Variants in MFSD6 observed in about 807,000 individuals in gnomAD.
The protein encoded by MFSD6 is major facilitator superfamily domain containing 6, also known as major facilitator superfamily domain-containing protein 6.
A neutral mutation model predicts 56.3 loss-of-function variants in MFSD6; 26 were observed. That is an observed-to-expected ratio of 0.46 (90% confidence interval 0.34 to 0.64). The LOEUF (loss-of-function observed/expected upper bound fraction) is 0.64. Ranked by LOEUF, MFSD6 falls within the 30% of genes least tolerant of loss-of-function variation. The pLI, the probability that MFSD6 is intolerant of heterozygous loss-of-function variation, is 0.01. For missense variants in MFSD6, 750 were observed against 986.2 expected, an observed-to-expected ratio of 0.76 and a Z score of 3.21; for synonymous variants, 331 against 366.9, an observed-to-expected ratio of 0.90 and a Z score of 1.12.
rs1156931540 is a variant in MFSD6, at chr2:190,465,707, T to C, written c.1533-4051T>C. Among the ~76,000 whole-genome samples the C allele has an allele frequency of 6.6e-6, 1 of 152,090 alleles. No homozygotes were observed. The highest frequency in any genetic ancestry group is 2.4e-5 in the African/African-American group (1 of 41,430). On this transcript the variant is annotated intron_variant, in intron 3 of 7. Transcript: ENST00000392328. This position sits in a 1 kb window ranked among gnomAD's most constrained non-coding sequence, Gnocchi z 4.6. ...TCTGGGTGGCTTAAAAAACAGAAGT[T>C]TATGGCCGGGCGTGGTGGCTCACGC...
chr2:190,414,082 C>T (rs912680555), intron 1 of MFSD6, among the ~76,000 whole-genome samples: 8 of 151,902 alleles, frequency 5.3e-5, no homozygotes, highest in African/African-American at 1.9e-4. Context: ...CTGCCTATGA[C>T]TTTTAAGAAG....
Position 190,472,622 on chromosome 2 carries a change from G to A in MFSD6, c.1630+2767G>A, listed in dbSNP as rs187438056. Among the ~76,000 whole-genome samples, 737 of 152,346 alleles carry A rather than the reference G, an allele frequency of 4.8e-3. 4 individuals are homozygous for A. The highest frequency in any genetic ancestry group is 7.7e-3 in the Non-Finnish European group (521 of 68,028). On this transcript the variant is annotated intron_variant, in intron 4 of 7. Coordinates refer to ENST00000392328, the MANE Select transcript of MFSD6 (RefSeq NM_017694.4). ...AAATCTACATCTGATTGGTGTACCT[G>A]AAAGTGACAGGGAGAATGGAACCAA...
At chr2:190,450,414 T>C (rs560677657) in intron 3 of MFSD6, among the ~76,000 whole-genome samples, 4 of 152,192 alleles carry the variant, frequency 2.6e-5, no homozygotes, top group East Asian at 1.9e-4. Context: ...TACCTTTTTT[T>C]CTGCTGAAAA....
rs1686451383 is a variant in MFSD6 at position 190,443,302 on chromosome 2, G to T, written c.1532+5741G>T. ...ACTATATGGCCTTGGACAAGTTACA[G>T]AACTTTTTGCATCTCTGTATTGTTA... On this transcript the variant is annotated intron_variant, in intron 3 of 7. Transcript: ENST00000392328. This position sits in a 1 kb window ranked among gnomAD's most constrained non-coding sequence, Gnocchi z 4.2. Among the ~76,000 whole-genome samples, 4 of 152,198 alleles carry T rather than the reference G, an allele frequency of 2.6e-5. No individual in the cohort carries two copies. The highest frequency in any genetic ancestry group is 9.7e-5 in the African/African-American group (4 of 41,448).
intron 4 of MFSD6, among the ~76,000 whole-genome samples, chr2:190,475,361 G>C (rs1487191817): frequency 6.6e-6 from 1 of 152,198 alleles, no homozygotes. Context: ...GGCAACTTCA[G>C]CAAAGTCTCA....
rs1574266832 is a variant in MFSD6, at chr2:190,496,593, A to G, written c.1892-846A>G. On this transcript the variant is annotated intron_variant, in intron 6 of 7. Transcript: ENST00000392328. The surrounding 1 kb of genome is among the most constrained non-coding windows in gnomAD (Gnocchi z 4.7). ...CAGCCCAAATGCCCATCAATCAATG[A>G]GTGGATAAAGAAACTGTAGTGTGTG... Among the ~76,000 whole-genome samples the G allele has an allele frequency of 6.6e-6, 1 of 152,162 alleles. No individual in the cohort carries two copies.
At position 190,417,969 on chromosome 2, in the gene MFSD6, T is replaced by TGTGTGTGG. The variant is rs1690852471; in HGVS notation, c.-54+2563_-54+2564insGGTGTGTG. On this transcript the variant is annotated intron_variant, in intron 2 of 7. Coordinates refer to ENST00000392328, the MANE Select transcript of MFSD6 (RefSeq NM_017694.4). This position sits in a 1 kb window ranked among gnomAD's most constrained non-coding sequence, Gnocchi z 5.7. ...CTTTTCATTTAACCCTTTAGTGGTG[T>TGTGTGTGG]GTGTGTGTGTGTGTGTGTGTGTGTG... Among the ~76,000 whole-genome samples the TGTGTGTGG allele has an allele frequency of 1.0e-5, 1 of 99,672 alleles. No homozygotes were observed. The highest frequency in any genetic ancestry group is 2.2e-5 in the Non-Finnish European group (1 of 44,748). 65.4% of individuals were successfully genotyped at this position (99,672 alleles called of 152,430 possible).
rs1685719474 is a variant in MFSD6 at position 190,424,234 on chromosome 2, T to G, written c.-54+8821T>G. 5.2e-5 allele frequency among the ~76,000 whole-genome samples: 6 copies of G among 115,912 alleles called. No individual in the cohort carries two copies. Among genetic ancestry groups the G allele is most frequent in the Admixed American group, 4.7e-4 (6 of 12,830 alleles). 76.0% of individuals were successfully genotyped at this position (115,912 alleles called of 152,430 possible). On this transcript the variant is annotated intron_variant, in intron 2 of 7. Transcript: ENST00000392328. The surrounding 1 kb of genome is among the most constrained non-coding windows in gnomAD (Gnocchi z 5.9). ...CACTAGAGGCTAAAGATTTTCTTCT[T>G]CTTTTTTTTTTTTTCTAAATGTTTT...
chr2:190,436,429 GTCC>G lies in MFSD6; in HGVS notation c.406_408del (p.Leu136del), dbSNP rs768783047. 8 of 1,614,114 alleles carry G rather than the reference GTCC, an allele frequency of 5.0e-6. No individual in the cohort carries two copies. Among genetic ancestry groups the G allele is most frequent in the South Asian group, 2.2e-5 (2 of 91,082 alleles). On this transcript the variant is annotated inframe_deletion, in exon 3 of 8. Coordinates refer to ENST00000392328, the MANE Select transcript of MFSD6 (RefSeq NM_017694.4). This position sits in a 1 kb window ranked among gnomAD's most constrained non-coding sequence, Gnocchi z 5.3. ...AGACCGCTTTAAAAAAGGCAAAATTGTCCTCCTCTTTTCTCTTTTGTGTTGGGT... is the reference window on the plus strand; with the variant it reads ...AGACCGCTTTAAAAAAGGCAAAATTGTCCTCTTTTCTCTTTTGTGTTGGGT...
Position 190,437,259 on chromosome 2 carries a change from G to C in MFSD6, c.1230G>C (p.Gln410His), listed in dbSNP as rs1686210029. The change falls in exon 3 of 8, where the codon CAG becomes CAC. Residue 410 changes from glutamine to histidine, a missense_variant. Gln to His is a conservative substitution (Grantham distance 24). Around this residue, in one of 5 missense-constraint regions of MFSD6, gnomAD observed 376 missense variants for 437.9 expected, o/e 0.86. Transcript: ENST00000392328. This position sits in a 1 kb window ranked among gnomAD's most constrained non-coding sequence, Gnocchi z 5.9. ...DSKGKEVEIP[Q>H]VERNNSTESS... is the part of the protein sequence containing the mutation. ...AAGGGAAAGAGGTGGAGATCCCGCAGGTGGAAAGGAACAACTCTACAGAGT... is the reference window on the plus strand; with the variant it reads ...AAGGGAAAGAGGTGGAGATCCCGCACGTGGAAAGGAACAACTCTACAGAGT... 6.2e-7 allele frequency: 1 copy of C among 1,614,202 alleles called. No individual in the cohort carries two copies. The highest frequency in any genetic ancestry group is 2.2e-5 in the East Asian group (1 of 44,884).
chr2:190,482,157 G>C lies in MFSD6; in HGVS notation c.1631-6500G>C, dbSNP rs116383092. On this transcript the variant is annotated intron_variant, in intron 4 of 7. Coordinates refer to ENST00000392328, the MANE Select transcript of MFSD6 (RefSeq NM_017694.4). ...GGATATTGATACCTAGGGTAACCAG[G>C]CATTGCAGATGGCAGATTCTCTGTA... Among the ~76,000 whole-genome samples, 612 of 152,310 alleles carry C rather than the reference G, an allele frequency of 4.0e-3. 4 individuals carry two copies. Among genetic ancestry groups the C allele is most frequent in the African/African-American group, 0.014 (581 of 41,546 alleles).
At chr2:190,466,698 C>G (rs1687623954) in intron 3 of MFSD6, among the ~76,000 whole-genome samples, 1 of 152,180 alleles carries the variant, frequency 6.6e-6, no homozygotes, top group Admixed American at 6.5e-5. Context: ...AACTGAGGCT[C>G]AGAGAGATGA....
At chr2:190,449,716 G>A (rs1040645821) in intron 3 of MFSD6, among the ~76,000 whole-genome samples, 118 of 152,220 alleles carry the variant, frequency 7.8e-4, no homozygotes, top group Admixed American at 2.9e-3. Flanking sequence ...CCTTTGTAGG[G>A]ACATGGATGA....
rs912706569 is a variant in MFSD6 at position 190,499,788 on chromosome 2, C to T, written c.2173-227C>T. On this transcript the variant is annotated intron_variant, in intron 7 of 7. Coordinates refer to ENST00000392328, the MANE Select transcript of MFSD6 (RefSeq NM_017694.4). The surrounding 1 kb of genome is among the most constrained non-coding windows in gnomAD (Gnocchi z 6.0). ...TAGTAATGTTCCTTTTTCCACAAGA[C>T]ACGTCTGCTTATAGTGTTTGTGTTT... 6.7e-6 allele frequency: 10 copies of T among 1,499,638 alleles called. No homozygotes were observed. The highest frequency in any genetic ancestry group is 2.0e-5 in the Admixed American group (1 of 49,174). The allele number at this position is 1,499,638 out of a possible 1,614,324, so 92.9% of individuals were successfully genotyped here.
chr2:190,445,678 A>C (rs1686552968), intron 3 of MFSD6, among the ~76,000 whole-genome samples: 2 of 152,208 alleles, frequency 1.3e-5, no homozygotes, highest in Non-Finnish European at 2.9e-5. Flanking sequence ...TTAGAACATA[A>C]GGTCTTTTTC....
Position 190,436,422 on chromosome 2 carries a change from C to T in MFSD6, c.393C>T (p.Gly131=), listed in dbSNP as rs1474504008. Residue 131 remains glycine, a synonymous_variant, in exon 3 of 8, where the codon GGC becomes GGT. Transcript: ENST00000392328. The surrounding 1 kb of genome is among the most constrained non-coding windows in gnomAD (Gnocchi z 5.3). ...WGVVADRFKK[G]KIVLLFSLLC... ...TAGTTGCAGACCGCTTTAAAAAAGG[C>T]AAAATTGTCCTCCTCTTTTCTCTTT... 2 of 1,614,030 alleles carry T rather than the reference C, an allele frequency of 1.2e-6. No individual in the cohort carries two copies. Among genetic ancestry groups the T allele is most frequent in the East Asian group, 2.2e-5 (1 of 44,882 alleles).
In MFSD6 at chr2:190,437,160, T is replaced by C. The variant is rs757396994; in HGVS notation, c.1131T>C (p.Val377=). The part of the protein sequence containing the change: ...NYQIVFIVFG[V]LMTMALIVAT... ...AGATCGTCTTCATCGTCTTCGGCGT[T>C]CTCATGACCATGGCCTTGATCGTTG... is the stretch of plus-strand genomic sequence containing the variant. Residue 377 remains valine, a synonymous_variant, in exon 3 of 8, where the codon GTT becomes GTC. Coordinates refer to ENST00000392328, the MANE Select transcript of MFSD6 (RefSeq NM_017694.4). The surrounding 1 kb of genome is among the most constrained non-coding windows in gnomAD (Gnocchi z 5.9). The C allele has an allele frequency of 6.2e-7, 1 of 1,614,246 alleles. No individual in the cohort carries two copies. Among genetic ancestry groups the C allele is most frequent in the South Asian group, 1.1e-5 (1 of 91,090 alleles).
rs1454433676 is a variant in MFSD6 at position 190,426,014 on chromosome 2, T to A, written c.-53-9963T>A. Among the ~76,000 whole-genome samples, 1 of 152,220 alleles carries A rather than the reference T, an allele frequency of 6.6e-6. No individual in the cohort carries two copies. Among genetic ancestry groups the A allele is most frequent in the East Asian group, 1.9e-4 (1 of 5,198 alleles). The stretch of plus-strand genomic sequence containing the variant: ...TGCCTTTAGTTTTTAGAAGTTTGAC[T>A]GATGAGTTTTGGTGTGGGCATTTTG... On this transcript the variant is annotated intron_variant, in intron 2 of 7. Coordinates refer to ENST00000392328, the MANE Select transcript of MFSD6 (RefSeq NM_017694.4). This position sits in a 1 kb window ranked among gnomAD's most constrained non-coding sequence, Gnocchi z 4.7.
chr2:190,500,040 C>A lies in MFSD6; in HGVS notation c.2198C>A (p.Ser733Tyr), dbSNP rs1369759839. The stretch of plus-strand genomic sequence containing the variant: ...GGGACCAATGAGAATAGGGAAAATT[C>A]TCCTGCTGGTAGAGCCCAGCCTGTC... ...LQGTNENREN[S>Y]PAGRAQPVPC... The change falls in exon 8 of 8, where the codon TCT (serine) becomes TAT (tyrosine). Residue 733 changes from serine to tyrosine, a missense_variant. This residue lies in a region of MFSD6 where 172 missense variants were observed against 203.9 expected (regional missense o/e 0.84). Coordinates refer to ENST00000392328, the MANE Select transcript of MFSD6 (RefSeq NM_017694.4). The surrounding 1 kb of genome is among the most constrained non-coding windows in gnomAD (Gnocchi z 5.3). 1.2e-6 allele frequency: 2 copies of A among 1,614,176 alleles called. No individual in the cohort carries two copies. The highest frequency in any genetic ancestry group is 2.2e-5 in the East Asian group (1 of 44,878).
Sources: gnomAD v4.1 joint callset for allele counts (sites outside exome capture counted in the v4.1 genomes callset) on GRCh38, gnomAD v4.1.1 for gene constraint, gnomAD v4.1.1 regional missense constraint, Gnocchi (gnomAD v3.1) non-coding constraint, MANE v1.5 for transcripts, NCBI Gene and HGNC (gene_info 2026-07-23, HGNC 2026-07-21) for gene names.